Variants in ERAP2 observed in about 807,000 individuals in gnomAD.
ERAP2 encodes the protein leukocyte-derived arginine aminopeptidase.
Under a neutral mutation model 111.1 loss-of-function variants are expected in ERAP2, and 118 were observed. That is an observed-to-expected ratio of 1.06 (90% CI 0.92 to 1.24). The LOEUF (loss-of-function observed/expected upper bound fraction) is 1.24, where lower values mean the gene tolerates loss of function less well. ERAP2 is among the 50% of genes most tolerant of loss of function. The probability of loss-of-function intolerance (pLI) is 0.00; values close to 1 mark genes in which losing one functional copy is unlikely to be tolerated. For synonymous variants in ERAP2, 410 were observed against 401.2 expected, an observed-to-expected ratio of 1.02 and a Z score of -0.26; for missense variants, 1,131 against 1,125.8, an observed-to-expected ratio of 1.00 and a Z score of -0.07.
At chr5:96,879,496 A>G in intron 1 of ERAP2, 68 bp from the exon 2 acceptor site, 2 of 551,896 alleles carry the variant, frequency 3.6e-6, no homozygotes, top group Non-Finnish European at 6.4e-6. Flanking sequence ...ACCTTTTTAC[A>G]TGTTTAAGAT....
chr5:96,877,133 C>T (rs955167930), intron 1 of ERAP2, among the ~76,000 whole-genome samples: 1 of 152,114 alleles, frequency 6.6e-6, no homozygotes, highest in African/African-American at 2.4e-5. Context: ...TGCCACCATG[C>T]CCGGCTAATT....
At chr5:96,896,567 C>A in intron 8 of ERAP2, 63 bp downstream of exon 8, 1 of 1,567,818 alleles carries the variant, frequency 6.4e-7, no homozygotes. Context: ...ACTATAGAAT[C>A]AGCAGTTTAA....
At position 96,895,341 on chromosome 5, in the gene ERAP2, A is replaced by G; in HGVS notation, c.1221A>G (p.Thr407=). 6.2e-7 allele frequency: 1 copy of G among 1,609,624 alleles called. No homozygotes were observed. The highest frequency in any genetic ancestry group is 1.1e-5 in the South Asian group (1 of 90,686). The part of the protein sequence containing the change: ...KYMELIAVNA[T]YPELQFDDYF... ...TGGAACTTATCGCTGTTAATGCTACATATCCAGAGCTGCAATTTGTAAGTT... is the reference window on the plus strand; with the variant it reads ...TGGAACTTATCGCTGTTAATGCTACGTATCCAGAGCTGCAATTTGTAAGTT... Residue 407 remains threonine (T), a synonymous_variant, in exon 7 of 19, where the codon ACA becomes ACG. Coordinates refer to ENST00000437043, the MANE Select transcript of ERAP2 (RefSeq NM_022350.5).
chr5:96,876,922 G>A (rs1203508436), intron 1 of ERAP2, among the ~76,000 whole-genome samples: 1 of 152,040 alleles, frequency 6.6e-6, no homozygotes, highest in Non-Finnish European at 1.5e-5. Flanking sequence ...TGTGGATTTT[G>A]AGAAGTCACC....
At position 96,880,125 on chromosome 5, in the gene ERAP2, A is replaced by C. The variant is rs765832149; in HGVS notation, c.440A>C (p.Gln147Pro). Reference sequence around the variant, plus strand: ...GTTTTGAGTTACCCTGCTCATGAACAAATTGCACTGCTGGTTCCAGAGAAA... The same window carrying C: ...GTTTTGAGTTACCCTGCTCATGAACCAATTGCACTGCTGGTTCCAGAGAAA... ...LKVLSYPAHE[Q>P]IALLVPEKLT... is the part of the protein sequence containing the mutation. Residue 147 changes from glutamine (Q) to proline (P), a missense_variant, in exon 2 of 19, where the codon CAA becomes CCA. Transcript: ENST00000437043. 14 of 1,614,144 alleles carry C rather than the reference A, an allele frequency of 8.7e-6. No individual in the cohort carries two copies. Among genetic ancestry groups the C allele is most frequent in the Non-Finnish European group, 1.2e-5 (14 of 1,179,996 alleles).
intron 10 of ERAP2, 110 bp from the exon 11 acceptor site, chr5:96,901,396 T>C: frequency 8.1e-7 from 1 of 1,227,362 alleles, no homozygotes. Flanking sequence ...AGTCCGAGTC[T>C]TCTGTTCCCC....
intron 17 of ERAP2, among the ~76,000 whole-genome samples, chr5:96,914,791 T>C (rs1007381524): frequency 1.3e-5 from 2 of 152,176 alleles, no homozygotes; most frequent in Non-Finnish European, 2.9e-5. Flanking sequence ...CTAAACACAA[T>C]GTTTAAACAC....
intron 6 of ERAP2, among the ~76,000 whole-genome samples, chr5:96,893,852 C>T (rs1434347023): frequency 6.6e-6 from 1 of 152,160 alleles, no homozygotes; most frequent in Non-Finnish European, 1.5e-5. Flanking sequence ...CATCTCTTGC[C>T]TACACCTAAG....
chr5:96,891,471 GTA>G (rs140204785), intron 5 of ERAP2, among the ~76,000 whole-genome samples: 3,242 of 101,316 alleles, frequency 0.032, 84 homozygotes, highest in Admixed American at 0.087. Context: ...ACATATACAG[GTA>G]TATATATATA....
intron 13 of ERAP2, among the ~76,000 whole-genome samples, chr5:96,908,190 T>C (rs1020979054): frequency 6.6e-6 from 1 of 152,334 alleles, no homozygotes; most frequent in East Asian, 1.9e-4. Flanking sequence ...CATCACACGA[T>C]TGTGTTATTC....
Position 96,917,451 on chromosome 5 carries a change from A to C in ERAP2, c.2740-11A>C, listed in dbSNP as rs755878811. Reference sequence around the variant, plus strand: ...AAAGTGTTAGTAATTTTTTTCTTCAATATTTTACAGGTGAAACTATTTTTT... The same window carrying C: ...AAAGTGTTAGTAATTTTTTTCTTCACTATTTTACAGGTGAAACTATTTTTT... On this transcript the variant is annotated splice_polypyrimidine_tract_variant and intron_variant, in intron 18 of 18. Transcript: ENST00000437043. 3.1e-6 allele frequency: 5 copies of C among 1,607,290 alleles called. No homozygotes were observed. The highest frequency in any genetic ancestry group is 1.1e-5 in the South Asian group (1 of 90,432).
At chr5:96,892,226 T>A in intron 5 of ERAP2, 73 bp from the exon 6 acceptor site, 1 of 1,497,764 alleles carries the variant, frequency 6.7e-7, no homozygotes, top group South Asian at 1.1e-5. Context: ...TCATAGTGTA[T>A]TTGAGCAGAG....
rs768101203 is a variant in ERAP2, at chr5:96,892,280, G to A, written c.971-19G>A. On this transcript the variant is annotated intron_variant, in intron 5 of 18. Transcript: ENST00000437043. ...TGTGGGAGCCATAAAACTCAAGTAT[G>A]GTTGTTCTTATTTCTTAGATTTAAT... 6.8e-6 allele frequency: 11 copies of A among 1,612,918 alleles called. No individual in the cohort carries two copies. The highest frequency in any genetic ancestry group is 9.3e-6 in the Non-Finnish European group (11 of 1,179,264).
At chr5:96,909,919 T>C in intron 15 of ERAP2, 155 bp downstream of exon 15, 1 of 654,832 alleles carries the variant, frequency 1.5e-6, no homozygotes, top group Non-Finnish European at 2.6e-6. Context: ...ACATTGTAAG[T>C]GCTATGTATG....
chr5:96,909,476 T>C, intron 14 of ERAP2, 104 bp from the exon 15 acceptor site: 3 of 864,830 alleles, frequency 3.5e-6, no homozygotes, highest in Non-Finnish European at 5.6e-6. Flanking sequence ...TGGGGAAAGA[T>C]TGGGAAAGAT....
chr5:96,902,423 A>C, intron 12 of ERAP2, 70 bp downstream of exon 12: 1 of 912,878 alleles, frequency 1.1e-6, no homozygotes, highest in Non-Finnish European at 1.8e-6. Flanking sequence ...ATTTGAAGGA[A>C]CGATACAATA....
intron 2 of ERAP2, among the ~76,000 whole-genome samples, chr5:96,882,876 A>G (rs1257907974): frequency 4.6e-5 from 7 of 151,890 alleles, no homozygotes; most frequent in Middle Eastern, 3.2e-3. Flanking sequence ...TCTCCCTCTT[A>G]TTTGAGCTAT....
intron 9 of ERAP2, among the ~76,000 whole-genome samples, chr5:96,897,974 A>C (rs1310034070): frequency 3.3e-5 from 5 of 152,208 alleles, no homozygotes; most frequent in Admixed American, 2.0e-4. Flanking sequence ...AGGTGGGTAG[A>C]TCACTTCAGG....
At chr5:96,906,459 C>T (rs995188693) in intron 13 of ERAP2, among the ~76,000 whole-genome samples, 6 of 152,014 alleles carry the variant, frequency 3.9e-5, no homozygotes, top group Non-Finnish European at 7.4e-5. Flanking sequence ...GCAGAGATGG[C>T]GTCTGCCTAT....
Sources: allele counts gnomAD v4.1 joint callset (sites outside exome capture counted in the v4.1 genomes callset), GRCh38; gene constraint gnomAD v4.1.1; transcripts MANE v1.5; gene names NCBI Gene and HGNC (gene_info 2026-07-23, HGNC 2026-07-21).